The following RNF180 variants were observed in gnomAD, a reference collection of about 807,000 sequenced individuals.
RNF180 encodes the protein ring finger protein 180.
Under a neutral mutation model 59.2 loss-of-function variants are expected in RNF180, and 38 were observed. That is an observed-to-expected ratio of 0.64 (90% confidence interval 0.50 to 0.84). The LOEUF (loss-of-function observed/expected upper bound fraction) is 0.84, where lower values mean the gene tolerates loss of function less well. Among genes scored for constraint, RNF180 ranks in the 40% least tolerant of loss-of-function variants. RNF180 has a pLI of 0.00. For synonymous variants in RNF180, 262 were observed against 240.3 expected, an observed-to-expected ratio of 1.09 and a Z score of -0.84; for missense variants, 705 against 700.9, an observed-to-expected ratio of 1.01 and a Z score of -0.07.
At chr5:64,302,694 C>T (rs1052437152) in intron 5 of RNF180, among the ~76,000 whole-genome samples, 2 of 151,588 alleles carry the variant, frequency 1.3e-5, no homozygotes, top group African/African-American at 4.8e-5. Flanking sequence ...ACATGTCCAT[C>T]TTTCTTTAGA....
At chr5:64,340,017 CCCTGAAATA>C (rs1285269889) in intron 7 of RNF180, among the ~76,000 whole-genome samples, 1 of 152,084 alleles carries the variant, frequency 6.6e-6, no homozygotes, top group Non-Finnish European at 1.5e-5. Context: ...TAATTCCTTT[CCCTGAAATA>C]CCTACCATTT....
At chr5:64,334,047 C>A (rs1003116238) in intron 7 of RNF180, among the ~76,000 whole-genome samples, 1 of 152,166 alleles carries the variant, frequency 6.6e-6, no homozygotes, top group Non-Finnish European at 1.5e-5. Flanking sequence ...CACACTGGTC[C>A]AGGGCCACAT....
rs572760059 is a variant in RNF180, at chr5:64,350,748, G to T, written c.1580-18867G>T. 4.6e-5 allele frequency among the ~76,000 whole-genome samples: 7 copies of T among 152,156 alleles called. No individual in the cohort carries two copies. The South Asian group carries it at 1.2e-3, about 27-fold the overall frequency. ...GTGTGGTATTATTTCTGAGGGCTCT[G>T]TTCTGTTCCATTGGTCTATATCTCT... On this transcript the variant is annotated intron_variant, in intron 7 of 7. Coordinates refer to ENST00000389100, the MANE Select transcript of RNF180 (RefSeq NM_001113561.2).
intron 5 of RNF180, among the ~76,000 whole-genome samples, chr5:64,305,529 G>A (rs1470169891): frequency 6.6e-6 from 1 of 151,042 alleles, no homozygotes; most frequent in African/African-American, 2.4e-5. Flanking sequence ...GTTTACTACA[G>A]GTGACAGTTT....
chr5:64,366,136 T>C (rs1280700901), intron 7 of RNF180, among the ~76,000 whole-genome samples: 1 of 151,636 alleles, frequency 6.6e-6, no homozygotes, highest in African/African-American at 2.4e-5. Context: ...AATGCATCTT[T>C]CAGGAGATCT....
At chr5:64,332,205 C>T (rs1237303631) in intron 7 of RNF180, among the ~76,000 whole-genome samples, 1 of 152,086 alleles carries the variant, frequency 6.6e-6, no homozygotes, top group African/African-American at 2.4e-5. Flanking sequence ...CAGAAGATGC[C>T]GTCAGCTACA....
intron 7 of RNF180, among the ~76,000 whole-genome samples, chr5:64,358,737 T>C (rs988649216): frequency 3.3e-5 from 5 of 151,218 alleles, no homozygotes; most frequent in Admixed American, 6.6e-5. Flanking sequence ...GTGCGCTGCA[T>C]CCACTAACTC....
chr5:64,306,102 A>C (rs1241465418), intron 5 of RNF180, among the ~76,000 whole-genome samples: 4 of 151,714 alleles, frequency 2.6e-5, no homozygotes, highest in African/African-American at 9.7e-5. Context: ...TTGTATTTTT[A>C]TACTTTTAAA....
At chr5:64,279,306 A>T (rs1234862560) in intron 5 of RNF180, among the ~76,000 whole-genome samples, 2 of 152,160 alleles carry the variant, frequency 1.3e-5, no homozygotes, top group African/African-American at 4.8e-5. Flanking sequence ...ATTTTTGGCT[A>T]TAGCAATTTT....
Position 64,357,723 on chromosome 5 carries a change from A to G in RNF180, c.1580-11892A>G, listed in dbSNP as rs1358896554. Among the ~76,000 whole-genome samples the G allele has an allele frequency of 2.6e-5, 4 of 151,834 alleles. No homozygotes were observed. In the East Asian group the frequency reaches 5.8e-4, roughly 22 times the overall value. ...ATAACTGTTCAGAGATAGTTTTTCT[A>G]TCTCTGAAACAAGCTTCAAAATAAT... On this transcript the variant is annotated intron_variant, in intron 7 of 7. Coordinates refer to ENST00000389100, the MANE Select transcript of RNF180 (RefSeq NM_001113561.2).
intron 1 of RNF180, among the ~76,000 whole-genome samples, chr5:64,185,086 A>G (rs1230982056): frequency 1.3e-5 from 2 of 152,172 alleles, no homozygotes; most frequent in Non-Finnish European, 2.9e-5. Flanking sequence ...GCTTATGACA[A>G]AGAATTTGGA....
intron 7 of RNF180, among the ~76,000 whole-genome samples, chr5:64,369,200 T>C (rs1424783970): frequency 1.3e-5 from 2 of 151,858 alleles, no homozygotes; most frequent in Admixed American, 6.6e-5. Flanking sequence ...CTCAGTAAAC[T>C]CTCGCAAGGA....
In RNF180 at chr5:64,325,412, G is replaced by A. The variant is rs1744591049; in HGVS notation, c.1453+1G>A. ...ATTTCTAGAGTCTTTTTCCAAACAGGTAACAATTCTCTTTCATTAACATGA... is the reference window on the plus strand; with the variant it reads ...ATTTCTAGAGTCTTTTTCCAAACAGATAACAATTCTCTTTCATTAACATGA... On this transcript the variant is annotated splice_donor_variant, in intron 6 of 7. Coordinates refer to ENST00000389100, the MANE Select transcript of RNF180 (RefSeq NM_001113561.2). LOFTEE classifies it high-confidence loss of function. 6.6e-7 allele frequency: 1 copy of A among 1,520,630 alleles called. No individual in the cohort carries two copies. The highest frequency in any genetic ancestry group is 2.5e-5 in the East Asian group (1 of 40,768). 94.2% of individuals were successfully genotyped at this position (1,520,630 alleles called of 1,614,324 possible). A position where few individuals can be genotyped will look rare whatever the true frequency, so the allele number is the denominator to read the frequency against.
At chr5:64,340,830 T>TAA (rs1745326679) in intron 7 of RNF180, among the ~76,000 whole-genome samples, 1 of 152,190 alleles carries the variant, frequency 6.6e-6, no homozygotes, top group South Asian at 2.1e-4. Flanking sequence ...AAATGACTTA[T>TAA]AATGCAAATT....
intron 5 of RNF180, among the ~76,000 whole-genome samples, chr5:64,239,852 A>G (rs1433809585): frequency 3.3e-5 from 5 of 152,178 alleles, no homozygotes; most frequent in Admixed American, 2.6e-4. Context: ...CAAATGTCAT[A>G]AAAGTTCTAC....
chr5:64,239,579 T>TTGA (rs1435397308), intron 5 of RNF180, among the ~76,000 whole-genome samples: 1 of 152,168 alleles, frequency 6.6e-6, no homozygotes, highest in Non-Finnish European at 1.5e-5. Context: ...AGCTGTTGTA[T>TTGA]TGATTATGGC....
At chr5:64,223,361 C>T (rs1741472249) in intron 5 of RNF180, among the ~76,000 whole-genome samples, 1 of 152,174 alleles carries the variant, frequency 6.6e-6, no homozygotes, top group African/African-American at 2.4e-5. Flanking sequence ...TGCAAAGTCC[C>T]CTTTCCCATG....
At chr5:64,290,718 A>T (rs923128251) in intron 5 of RNF180, among the ~76,000 whole-genome samples, 2 of 151,744 alleles carry the variant, frequency 1.3e-5, no homozygotes, top group Non-Finnish European at 2.9e-5. Flanking sequence ...TCAGTTTTCC[A>T]TTGTCTTGGT....
intron 5 of RNF180, among the ~76,000 whole-genome samples, chr5:64,252,147 A>AC (rs1192846213): frequency 2.6e-5 from 4 of 152,222 alleles, no homozygotes; most frequent in African/African-American, 9.6e-5. Context: ...ATCTATAGCA[A>AC]CCAAAACCAC....
Sources: allele counts gnomAD v4.1 joint callset (sites outside exome capture counted in the v4.1 genomes callset), GRCh38; gene constraint gnomAD v4.1.1; transcripts MANE v1.5; gene names NCBI Gene and HGNC (gene_info 2026-07-23, HGNC 2026-07-21).